The following VAPB variants were observed in gnomAD, a reference collection of about 807,000 sequenced individuals.
VAPB encodes VAMP associated protein B and C.
In VAPB, 7 loss-of-function variants were observed where a neutral mutation model predicts 25.6. That is an observed-to-expected ratio of 0.27 (90% CI 0.16 to 0.51). The LOEUF (loss-of-function observed/expected upper bound fraction) is 0.51. Among genes scored for constraint, VAPB ranks in the 20% least tolerant of loss-of-function variants. The pLI is 0.97. For synonymous variants in VAPB, 112 were observed against 109.2 expected (o/e 1.03, Z -0.16); for missense variants, 266 against 301.3 (o/e 0.88, Z 0.87).
Position 58,446,479 on chromosome 20 carries a change from T to C in VAPB, c.*2244T>C, listed in dbSNP as rs1461671874. 4.4e-6 allele frequency: 2 copies of C among 454,020 alleles called. No individual in the cohort carries two copies. The highest frequency in any genetic ancestry group is 4.0e-5 in the African/African-American group (2 of 50,012). 28.1% of individuals were successfully genotyped at this position (454,020 alleles called of 1,614,324 possible). Reference sequence around the variant, plus strand: ...ATGGCCGTGTGTTTTGATAAAACTTTATTCACAAAAACAGCCGGGTCATGG... The same window carrying C: ...ATGGCCGTGTGTTTTGATAAAACTTCATTCACAAAAACAGCCGGGTCATGG... On this transcript the variant is annotated 3_prime_UTR_variant, in exon 6 of 6. Transcript: ENST00000475243.
intron 2 of VAPB, among the ~76,000 whole-genome samples, chr20:58,425,978 C>T (rs994168753): frequency 3.9e-5 from 6 of 152,160 alleles, no homozygotes; most frequent in Non-Finnish European, 8.8e-5. Flanking sequence ...CTGCAACCTC[C>T]ACCTCCTGGG....
At chr20:58,414,981 G>C (rs1272617242) in intron 1 of VAPB, among the ~76,000 whole-genome samples, 4 of 152,250 alleles carry the variant, frequency 2.6e-5, no homozygotes, top group East Asian at 3.9e-4. Context: ...CCGGCACGTC[G>C]GGAGGCCGAG....
intron 2 of VAPB, among the ~76,000 whole-genome samples, chr20:58,424,012 T>C (rs1182845951): frequency 6.6e-6 from 1 of 152,216 alleles, no homozygotes; most frequent in Non-Finnish European, 1.5e-5. Context: ...TTGTTACTTT[T>C]TTTGTGACTA....
intron 1 of VAPB, among the ~76,000 whole-genome samples, chr20:58,395,405 TC>T (rs1281268792): frequency 6.6e-6 from 1 of 152,158 alleles, no homozygotes; most frequent in Non-Finnish European, 1.5e-5. Context: ...CACCTCGGCC[TC>T]CCAAAGTGCT....
In VAPB at chr20:58,418,004, G is replaced by C. The variant is rs574471046; in HGVS notation, c.59-207G>C. On this transcript the variant is annotated intron_variant, in intron 1 of 5. Transcript: ENST00000475243. ...CCATATGTTAGAACACTTACACTAG[G>C]TACCTGGTGAAATAGTGGGAACATG... 2.6e-4 allele frequency among the ~76,000 whole-genome samples: 39 copies of C among 152,284 alleles called. 3 individuals carry two copies. In the South Asian group the frequency reaches 7.9e-3, roughly 31 times the overall value.
chr20:58,389,745 C>A (rs1045633161), intron 1 of VAPB, among the ~76,000 whole-genome samples: 1 of 152,198 alleles, frequency 6.6e-6, no homozygotes, highest in East Asian at 1.9e-4. Context: ...GCGCCTCCTC[C>A]CCGACCCCCA....
chr20:58,402,070 A>G (rs553000700), intron 1 of VAPB, among the ~76,000 whole-genome samples: 1 of 152,328 alleles, frequency 6.6e-6, no homozygotes, highest in East Asian at 1.9e-4. Context: ...GTTTGCAAAG[A>G]TGCAAATCTG....
intron 1 of VAPB, among the ~76,000 whole-genome samples, chr20:58,400,003 G>A (rs1988058320): frequency 6.6e-6 from 1 of 152,160 alleles, no homozygotes; most frequent in South Asian, 2.1e-4. Context: ...GGAAGAAATG[G>A]AAAGGTACGT....
chr20:58,424,410 C>T (rs1379580842), intron 2 of VAPB, among the ~76,000 whole-genome samples: 1 of 151,946 alleles, frequency 6.6e-6, no homozygotes, highest in Non-Finnish European at 1.5e-5. Context: ...AGAGCAAGTG[C>T]AGGGAGCATT....
chr20:58,389,846 C>T (rs1444783143), intron 1 of VAPB, among the ~76,000 whole-genome samples: 2 of 152,234 alleles, frequency 1.3e-5, no homozygotes, highest in Non-Finnish European at 2.9e-5. Context: ...GCTGCCTTTG[C>T]CTAGAAGTTT....
chr20:58,437,884 A>G (rs1184149428), intron 3 of VAPB, among the ~76,000 whole-genome samples: 1 of 152,094 alleles, frequency 6.6e-6, no homozygotes, highest in Non-Finnish European at 1.5e-5. Context: ...CCTGTGTTAC[A>G]GTAGCTGCCT....
chr20:58,396,527 G>C (rs1378188864), intron 1 of VAPB, among the ~76,000 whole-genome samples: 1 of 152,136 alleles, frequency 6.6e-6, no homozygotes, highest in African/African-American at 2.4e-5. Flanking sequence ...CTTGTGATGT[G>C]GTTTAGAGCT....
chr20:58,404,340 C>A (rs1197871766), intron 1 of VAPB, among the ~76,000 whole-genome samples: 1 of 152,114 alleles, frequency 6.6e-6, no homozygotes, highest in Non-Finnish European at 1.5e-5. Flanking sequence ...CATTTGATGC[C>A]CCCAGAAGCC....
chr20:58,400,351 T>G (rs1988067145), intron 1 of VAPB, among the ~76,000 whole-genome samples: 1 of 152,204 alleles, frequency 6.6e-6, no homozygotes, highest in South Asian at 2.1e-4. Flanking sequence ...GGAACCAGCT[T>G]GTATTTCCCA....
In VAPB at chr20:58,389,408, CCGGTGACCTCTCAGGGGTCTCCCCGCCA is replaced by C. The variant is rs778406442; in HGVS notation, c.-51_-24del. 27 of 1,555,814 alleles carry C rather than the reference CCGGTGACCTCTCAGGGGTCTCCCCGCCA, an allele frequency of 1.7e-5. No homozygotes were observed. The highest frequency in any genetic ancestry group is 2.3e-5 in the Non-Finnish European group (27 of 1,149,166). On this transcript the variant is annotated 5_prime_UTR_variant, in exon 1 of 6. Transcript: ENST00000475243. ...GGGCGCAGCATTAACGCTTCCCGCCCCGGTGACCTCTCAGGGGTCTCCCCGCCAAAGGTGCTCCGCCGCTAAGGAACAT... is the reference window on the plus strand; with the variant it reads ...GGGCGCAGCATTAACGCTTCCCGCCCAAGGTGCTCCGCCGCTAAGGAACAT...
At chr20:58,404,715 T>C (rs1330669380) in intron 1 of VAPB, among the ~76,000 whole-genome samples, 1 of 152,226 alleles carries the variant, frequency 6.6e-6, no homozygotes, top group African/African-American at 2.4e-5. Flanking sequence ...AAATATGAGC[T>C]AACGTCACAT....
chr20:58,447,630 G>T lies in VAPB; in HGVS notation c.*3395G>T, dbSNP rs549913295. ...GAGCTCAGAGCTACAGAGCCTTTCA[G>T]ATGAATTTGAAAACAGACTCTGTGT... is the stretch of plus-strand genomic sequence containing the variant. On this transcript the variant is annotated 3_prime_UTR_variant, in exon 6 of 6. Transcript: ENST00000475243. 2 of 451,334 alleles carry T rather than the reference G, an allele frequency of 4.4e-6. No homozygotes were observed. Among genetic ancestry groups the T allele is most frequent in the Non-Finnish European group, 8.8e-6 (2 of 226,368 alleles). The allele number at this position is 451,334 out of a possible 1,614,324, so 28.0% of individuals were successfully genotyped here.
At chr20:58,413,814 G>A (rs1182820252) in intron 1 of VAPB, among the ~76,000 whole-genome samples, 1 of 143,438 alleles carries the variant, frequency 7.0e-6, no homozygotes, top group African/African-American at 2.6e-5. Context: ...GCAGCTGGCC[G>A]GGCGGGGGGC....
At chr20:58,418,445 T>C (rs1988598194) in intron 2 of VAPB, 82 bp downstream of exon 2, 7 of 1,551,236 alleles carry the variant, frequency 4.5e-6, no homozygotes, top group African/African-American at 1.4e-5. Context: ...GTATTTGCAG[T>C]GTAGCAGAAG....
Sources: allele counts gnomAD v4.1 joint callset (sites outside exome capture counted in the v4.1 genomes callset), GRCh38; gene constraint gnomAD v4.1.1; transcripts MANE v1.5; gene names NCBI Gene and HGNC (gene_info 2026-07-23, HGNC 2026-07-21).